DCDC1: variants seen among roughly 807,000 people sequenced by gnomAD.
DCDC1 encodes the protein doublecortin domain-containing protein 1.
DCDC1 carries 200 observed loss-of-function variants against 178.3 expected under a neutral mutation model. The observed-to-expected ratio is 1.12, with a 90% CI of 1.00 to 1.26. The LOEUF (loss-of-function observed/expected upper bound fraction) is 1.26, where lower values mean the gene tolerates loss of function less well. DCDC1 is among the 50% of genes most tolerant of loss of function. The pLI is 0.00. For missense variants in DCDC1, 1,983 were observed against 1,749.2 expected (o/e 1.13, Z -2.38); for synonymous variants, 690 against 604.8 (o/e 1.14, Z -2.07).
At chr11:31,358,363 G>A (rs1951509521) in intron 1 of DCDC1, among the ~76,000 whole-genome samples, 1 of 152,132 alleles carries the variant, frequency 6.6e-6, no homozygotes. Flanking sequence ...AATAAATGGT[G>A]CTGGGAAAAC....
Position 31,065,066 on chromosome 11 carries a change from C to T in DCDC1, c.2386G>A (p.Ala796Thr), listed in dbSNP as rs376544492. The change falls in exon 19 of 39, where the codon GCC becomes ACC. Residue 796 changes from alanine (A) to threonine (T), a missense_variant. Coordinates refer to ENST00000684477, the MANE Select transcript of DCDC1 (RefSeq NM_001387274.1). Reference sequence around the variant, plus strand: ...TGTTCCTGATGAGCTGTGGTCCAGGCACCATGGTGAATGTGATACTCTGTC... The same window carrying T: ...TGTTCCTGATGAGCTGTGGTCCAGGTACCATGGTGAATGTGATACTCTGTC... ...TQTEYHIHHG[A>T]WTTAHQEHGR... 3.7e-5 allele frequency: 28 copies of T among 765,344 alleles called. No individual in the cohort carries two copies. The African/African-American group carries it at 3.7e-4, about 10-fold the overall frequency. 47.4% of individuals were successfully genotyped at this position (765,344 alleles called of 1,614,324 possible).
chr11:30,894,472 G>A lies in DCDC1; in HGVS notation c.4766-88C>T, dbSNP rs567588254. On this transcript the variant is annotated intron_variant, in intron 34 of 38. Coordinates refer to ENST00000684477, the MANE Select transcript of DCDC1 (RefSeq NM_001387274.1). Reference sequence around the variant, plus strand: ...TGATTTGGCTCTCTATGTATAAATCGTTCCACACAGGAGCATAAGCTAAAA... The same window carrying A: ...TGATTTGGCTCTCTATGTATAAATCATTCCACACAGGAGCATAAGCTAAAA... The A allele has an allele frequency of 1.3e-4, 200 of 1,533,280 alleles. No individual in the cohort carries two copies. The African/African-American group carries it at 2.3e-3, about 18-fold the overall frequency. The allele number at this position is 1,533,280 out of a possible 1,614,324, so 95.0% of individuals were successfully genotyped here. A position where few individuals can be genotyped will look rare whatever the true frequency, so the allele number is the denominator to read the frequency against.
chr11:31,094,307 A>G lies in DCDC1; in HGVS notation c.1984-123T>C. 4.8e-6 allele frequency: 3 copies of G among 628,486 alleles called. No homozygotes were observed. In the South Asian group the frequency reaches 5.6e-5, roughly 12 times the overall value. The allele number at this position is 628,486 out of a possible 1,614,324, so 38.9% of individuals were successfully genotyped here. A position where few individuals can be genotyped will look rare whatever the true frequency, so the allele number is the denominator to read the frequency against. The stretch of plus-strand genomic sequence containing the variant: ...ATTCTGATTGATACCTCTTTTCAAA[A>G]AGTAGCATTCAATCCCCTTTAATTC... On this transcript the variant is annotated intron_variant, in intron 15 of 38. Transcript: ENST00000684477.
At chr11:31,358,452 G>T (rs1430091200) in intron 1 of DCDC1, among the ~76,000 whole-genome samples, 5 of 151,752 alleles carry the variant, frequency 3.3e-5, no homozygotes, top group Non-Finnish European at 7.4e-5. Context: ...ATGGATTAAA[G>T]ACTTAAACGT....
intron 21 of DCDC1, among the ~76,000 whole-genome samples, chr11:30,947,942 G>A (rs903363627): frequency 1.3e-5 from 2 of 152,006 alleles, no homozygotes; most frequent in Non-Finnish European, 2.9e-5. Context: ...AAACTGGCAT[G>A]AGACAAGTAT....
intron 9 of DCDC1, among the ~76,000 whole-genome samples, chr11:31,161,172 G>T (rs531167528): frequency 6.6e-6 from 1 of 152,190 alleles, no homozygotes; most frequent in African/African-American, 2.4e-5. Flanking sequence ...TGTAATTACT[G>T]CAGTGACACT....
rs192306225 is a variant in DCDC1 at position 30,957,708 on chromosome 11, G to A, written c.2592-5140C>T. ...ACACTGTTTTTGAAACTAAGAACTG[G>A]GACATGCATGGTGAAGTGACTATGA... On this transcript the variant is annotated intron_variant, in intron 20 of 38. Transcript: ENST00000684477. 5.0e-3 allele frequency among the ~76,000 whole-genome samples: 760 copies of A among 152,202 alleles called. 14 individuals are homozygous for A. Among genetic ancestry groups the A allele is most frequent in the Middle Eastern group, 0.01 (3 of 294 alleles).
intron 9 of DCDC1, among the ~76,000 whole-genome samples, chr11:31,150,876 A>C (rs1480814691): frequency 1.3e-5 from 2 of 152,182 alleles, no homozygotes; most frequent in African/African-American, 2.4e-5. Context: ...AGGCTACTAA[A>C]CTTCTGTGGG....
intron 21 of DCDC1, among the ~76,000 whole-genome samples, chr11:30,947,128 T>G (rs1321626727): frequency 1.3e-5 from 2 of 151,690 alleles, no homozygotes; most frequent in Non-Finnish European, 2.9e-5. Context: ...TAGACAAAGA[T>G]GAAGAGAAAA....
At chr11:30,971,026 C>T (rs191495066) in intron 20 of DCDC1, among the ~76,000 whole-genome samples, 12 of 152,304 alleles carry the variant, frequency 7.9e-5, no homozygotes, top group Admixed American at 7.8e-4. Flanking sequence ...CCCACACACA[C>T]ACAAAGTTCC....
intron 18 of DCDC1, among the ~76,000 whole-genome samples, chr11:31,068,682 A>G (rs1018615170): frequency 1.3e-5 from 2 of 152,084 alleles, no homozygotes; most frequent in African/African-American, 2.4e-5. Flanking sequence ...ATTATTGAAA[A>G]TTTTTTTCAA....
chr11:31,017,715 C>T (rs1020231080), intron 20 of DCDC1, among the ~76,000 whole-genome samples: 1 of 152,002 alleles, frequency 6.6e-6, no homozygotes, highest in African/African-American at 2.4e-5. Context: ...GAGTAGCTGG[C>T]ACTACAGGCA....
intron 20 of DCDC1, among the ~76,000 whole-genome samples, chr11:31,048,863 A>T (rs540183540): frequency 9.2e-5 from 14 of 152,344 alleles, no homozygotes; most frequent in Admixed American, 4.6e-4. Flanking sequence ...TCTCAAAAAA[A>T]AAAGGACTGT....
In DCDC1 at chr11:30,922,643, C is replaced by G; in HGVS notation, c.2998-5G>C. On this transcript the variant is annotated splice_polypyrimidine_tract_variant and splice_region_variant and intron_variant, in intron 23 of 38. Coordinates refer to ENST00000684477, the MANE Select transcript of DCDC1 (RefSeq NM_001387274.1). Reference sequence around the variant, plus strand: ...TTCTCCACATGAAACATACACCTATCAAACAAAGCATCTCTTATCCTGTAT... The same window carrying G: ...TTCTCCACATGAAACATACACCTATGAAACAAAGCATCTCTTATCCTGTAT... The G allele has an allele frequency of 2.6e-6, 4 of 1,529,048 alleles. No individual in the cohort carries two copies. The highest frequency in any genetic ancestry group is 1.7e-4 in the Middle Eastern group (1 of 5,918). The allele number at this position is 1,529,048 out of a possible 1,614,324, so 94.7% of individuals were successfully genotyped here.
chr11:31,138,278 A>C (rs1178094421), intron 9 of DCDC1, among the ~76,000 whole-genome samples: 2 of 152,228 alleles, frequency 1.3e-5, no homozygotes, highest in Non-Finnish European at 2.9e-5. Context: ...ATCTAAATAC[A>C]TAAACAGTTA....
At chr11:31,286,809 T>C (rs2137347715) in intron 7 of DCDC1, among the ~76,000 whole-genome samples, 1 of 152,192 alleles carries the variant, frequency 6.6e-6, no homozygotes, top group South Asian at 2.1e-4. Flanking sequence ...ACTATACTTT[T>C]GCTATCAGAA....
chr11:31,140,065 C>G (rs1963629596), intron 9 of DCDC1, among the ~76,000 whole-genome samples: 2 of 152,132 alleles, frequency 1.3e-5, no homozygotes, highest in Admixed American at 6.5e-5. Context: ...TAATAATATG[C>G]AGTGCTAACA....
chr11:31,197,646 G>T (rs919796467), intron 9 of DCDC1, among the ~76,000 whole-genome samples: 2 of 152,060 alleles, frequency 1.3e-5, no homozygotes, highest in Non-Finnish European at 2.9e-5. Context: ...CTTAATGTCT[G>T]CCATCTGTTA....
At chr11:30,877,735 A>G (rs1213012980) in intron 38 of DCDC1, among the ~76,000 whole-genome samples, 2 of 152,094 alleles carry the variant, frequency 1.3e-5, no homozygotes, top group East Asian at 3.9e-4. Context: ...GAAAGCATTG[A>G]TTTGTGTGGC....
Sources: allele counts gnomAD v4.1 joint callset (sites outside exome capture counted in the v4.1 genomes callset), GRCh38; gene constraint gnomAD v4.1.1; transcripts MANE v1.5; gene names NCBI Gene and HGNC (gene_info 2026-07-23, HGNC 2026-07-21).